Variants in CEP112 observed in about 807,000 individuals in gnomAD.
The protein encoded by CEP112 is centrosomal protein of 112 kDa.
A neutral mutation model predicts 153.0 loss-of-function variants in CEP112; 127 were observed. The ratio of observed to expected loss-of-function variants is 0.83; its 90% confidence interval spans 0.72 to 0.96. CEP112 has a LOEUF of 0.96. Among genes scored for constraint, CEP112 ranks in the 40% least tolerant of loss-of-function variants. The pLI is 0.00. For synonymous variants in CEP112, 358 were observed against 374.4 expected (o/e 0.96, Z 0.51); for missense variants, 1,089 against 1,101.2 (o/e 0.99, Z 0.16).
At chr17:65,907,895 G>A (rs1021792353) in intron 19 of CEP112, among the ~76,000 whole-genome samples, 8 of 152,152 alleles carry the variant, frequency 5.3e-5, no homozygotes, top group African/African-American at 7.2e-5. Context: ...TAGATACTTC[G>A]GTTGACCAAC....
At chr17:65,827,186 T>C (rs947575844) in intron 21 of CEP112, among the ~76,000 whole-genome samples, 4 of 152,214 alleles carry the variant, frequency 2.6e-5, no homozygotes, top group Non-Finnish European at 4.4e-5. Flanking sequence ...ACTGTTGGCT[T>C]CCCTACTTTT....
At chr17:65,910,010 T>C (rs1222452613) in intron 19 of CEP112, among the ~76,000 whole-genome samples, 1 of 152,088 alleles carries the variant, frequency 6.6e-6, no homozygotes, top group Non-Finnish European at 1.5e-5. Context: ...TGAATCAAGT[T>C]AGGAAAGTAG....
In CEP112 at chr17:66,129,769, G is replaced by A. The variant is rs140154734; in HGVS notation, c.619C>T (p.Arg207Cys). 64 of 1,611,486 alleles carry A rather than the reference G, an allele frequency of 4.0e-5. No homozygotes were observed. The highest frequency in any genetic ancestry group is 2.0e-4 in the East Asian group (9 of 44,722). The change falls in exon 6 of 27, where the codon CGC becomes TGC. Residue 207 changes from arginine (R) to cysteine (C), a missense_variant. Coordinates refer to ENST00000535342, the MANE Select transcript of CEP112 (RefSeq NM_001199165.4). ...ACCCCAAGATTCCAACTATTAAGGC[G>A]AGCTTCAATGTCACTATCATCCAAA... is the stretch of plus-strand genomic sequence containing the variant. ...VSLDDSDIEA[R>C]LNSWNLGIEN... is the part of the protein sequence containing the mutation.
At chr17:66,168,523 ATATG>A (rs778022219) in intron 4 of CEP112, among the ~76,000 whole-genome samples, 9 of 151,506 alleles carry the variant, frequency 5.9e-5, no homozygotes, top group Non-Finnish European at 1.3e-4. Flanking sequence ...GTGTGTATAT[ATATG>A]TATATATGTG....
chr17:65,978,457 A>C (rs1432470786), intron 17 of CEP112, among the ~76,000 whole-genome samples: 1 of 152,256 alleles, frequency 6.6e-6, no homozygotes, highest in Non-Finnish European at 1.5e-5. Context: ...ACTTTGCAAT[A>C]TTGGTCAAAT....
At chr17:65,992,105 C>A (rs948459287) in intron 17 of CEP112, among the ~76,000 whole-genome samples, 1 of 151,318 alleles carries the variant, frequency 6.6e-6, no homozygotes, top group Non-Finnish European at 1.5e-5. Flanking sequence ...CCATTTAAGT[C>A]TTTTATTAAG....
chr17:65,646,052 T>C (rs977577589), intron 24 of CEP112, among the ~76,000 whole-genome samples: 3 of 152,170 alleles, frequency 2.0e-5, no homozygotes, highest in Admixed American at 1.3e-4. Flanking sequence ...ACGCTTATGG[T>C]TGGTTTCTCT....
chr17:65,647,337 C>T (rs1001628806), intron 24 of CEP112, among the ~76,000 whole-genome samples: 4 of 151,858 alleles, frequency 2.6e-5, no homozygotes, highest in Non-Finnish European at 5.9e-5. Flanking sequence ...CCATTCCTGG[C>T]TAATTTTGTA....
chr17:65,970,680 A>G (rs2062703639), intron 17 of CEP112, among the ~76,000 whole-genome samples: 4 of 152,152 alleles, frequency 2.6e-5, no homozygotes, highest in South Asian at 4.1e-4. Context: ...TTACACGCAT[A>G]TCACACACAT....
intron 18 of CEP112, among the ~76,000 whole-genome samples, chr17:65,933,068 C>T (rs189886916): frequency 6.6e-6 from 1 of 152,198 alleles, no homozygotes; most frequent in African/African-American, 2.4e-5. Context: ...AAAGCTTGAA[C>T]ATCAGACTCA....
chr17:66,162,570 A>G (rs2071758781), intron 4 of CEP112, among the ~76,000 whole-genome samples: 1 of 152,248 alleles, frequency 6.6e-6, no homozygotes, highest in African/African-American at 2.4e-5. Flanking sequence ...AAATTGTGAT[A>G]TATTCATACA....
chr17:65,672,507 G>T (rs1029282842), intron 24 of CEP112, among the ~76,000 whole-genome samples: 1 of 152,178 alleles, frequency 6.6e-6, no homozygotes, highest in Non-Finnish European at 1.5e-5. Flanking sequence ...CTTTATAGAT[G>T]ATATTTACTA....
chr17:65,976,614 G>A (rs1055447252), intron 17 of CEP112, among the ~76,000 whole-genome samples: 2 of 151,768 alleles, frequency 1.3e-5, no homozygotes, highest in African/African-American at 4.8e-5. Context: ...TTTGACAGGG[G>A]TGAGATATTA....
chr17:65,718,988 T>C lies in CEP112; in HGVS notation c.2607+24080A>G, dbSNP rs535635044. On this transcript the variant is annotated intron_variant, in intron 23 of 26. Transcript: ENST00000535342. ...AGATCTGAGGACTCACCCCCAAGCA[T>C]GGAAAATCGAGGATGTGGGGATACT... is the stretch of plus-strand genomic sequence containing the variant. Among the ~76,000 whole-genome samples, 77 of 152,332 alleles carry C rather than the reference T, an allele frequency of 5.1e-4. 2 individuals are homozygous for C. The South Asian group carries it at 0.016, about 32-fold the overall frequency.
chr17:65,970,169 ATT>A, intron 17 of CEP112, among the ~76,000 whole-genome samples: 1 of 152,282 alleles, frequency 6.6e-6, no homozygotes, highest in Non-Finnish European at 1.5e-5. Context: ...AAACATGCAT[ATT>A]ACATTTGTAT....
chr17:65,951,741 C>CG lies in CEP112; in HGVS notation c.1872+9721_1872+9722insC, dbSNP rs1568281745. Among the ~76,000 whole-genome samples, 7 of 109,026 alleles carry CG rather than the reference C, an allele frequency of 6.4e-5. 1 individual carries two copies. Among genetic ancestry groups the CG allele is most frequent in the Admixed American group, 2.2e-4 (2 of 9,212 alleles). 71.5% of individuals were successfully genotyped at this position (109,026 alleles called of 152,430 possible). ...CTTAGCTTTCTGCTCTAATCTTCCC[C>CG]CGCCCCCCCCTTTCTTCCACTTGCT... On this transcript the variant is annotated intron_variant, in intron 18 of 26. Coordinates refer to ENST00000535342, the MANE Select transcript of CEP112 (RefSeq NM_001199165.4).
At chr17:65,647,472 C>CTT (rs36023443) in intron 24 of CEP112, among the ~76,000 whole-genome samples, 26 of 111,314 alleles carry the variant, frequency 2.3e-4, no homozygotes, top group South Asian at 1.6e-3. Context: ...TGTGCCCGGC[C>CTT]TTTTTTTTTT....
chr17:66,141,383 TTC>T (rs1028946616), intron 4 of CEP112, among the ~76,000 whole-genome samples: 14 of 144,922 alleles, frequency 9.7e-5, no homozygotes, highest in East Asian at 3.9e-4. Flanking sequence ...TTTTAGAAAT[TTC>T]TCTTTTTAAA....
At chr17:65,785,497 C>T (rs7502798) in intron 21 of CEP112, among the ~76,000 whole-genome samples, 89,454 of 152,080 alleles carry the variant, frequency 0.59, 27,198 homozygotes, top group Non-Finnish European at 0.67. Context: ...TTGTTGATTA[C>T]ATCCAGTCTA....
Sources: gnomAD v4.1 joint callset for allele counts (sites outside exome capture counted in the v4.1 genomes callset) on GRCh38, gnomAD v4.1.1 for gene constraint, MANE v1.5 for transcripts, NCBI Gene and HGNC (gene_info 2026-07-23, HGNC 2026-07-21) for gene names.